STN1: variants seen among roughly 807,000 people sequenced by gnomAD.
The protein encoded by STN1 is CST complex subunit STN1.
A neutral mutation model predicts 45.5 loss-of-function variants in STN1; 29 were observed. The observed-to-expected ratio is 0.64, with a 90% confidence interval of 0.47 to 0.87. The LOEUF (loss-of-function observed/expected upper bound fraction) is 0.87. Ranked by LOEUF, STN1 falls within the 40% of genes least tolerant of loss-of-function variation. The pLI is 0.00. For missense variants in STN1, 376 were observed against 441.4 expected, an observed-to-expected ratio of 0.85 and a Z score of 1.33; for synonymous variants, 148 against 159.0, an observed-to-expected ratio of 0.93 and a Z score of 0.52.
chr10:103,906,268 C>T (rs1415128602), intron 3 of STN1, among the ~76,000 whole-genome samples: 3 of 152,120 alleles, frequency 2.0e-5, no homozygotes, highest in South Asian at 2.1e-4. Context: ...ATCTTAAAAT[C>T]AGAACTCATT....
intron 7 of STN1, among the ~76,000 whole-genome samples, chr10:103,892,926 G>C (rs1286568448): frequency 6.6e-6 from 1 of 152,140 alleles, no homozygotes; most frequent in African/African-American, 2.4e-5. Flanking sequence ...TCTTATCCCC[G>C]AGGAAGCTAG....
At chr10:103,914,042 CT>C (rs1312983410) in intron 2 of STN1, among the ~76,000 whole-genome samples, 3 of 152,122 alleles carry the variant, frequency 2.0e-5, no homozygotes, top group Non-Finnish European at 4.4e-5. Context: ...TTTAAAAGTA[CT>C]TTTGATTGCT....
chr10:103,897,592 A>C lies in STN1; in HGVS notation c.709T>G (p.Ser237Ala). ...TGAATCACAGGCTGATTGGCAAGGG[A>C]CAGCAAAGACTCCACCATTTCCAGC... ...QELEMVESLL[S>A]LANQPVIHSA... Residue 237 changes from serine to alanine, a missense_variant, in exon 7 of 10, where the codon TCC becomes GCC. Coordinates refer to ENST00000224950, the MANE Select transcript of STN1 (RefSeq NM_024928.5). 1 of 1,614,134 alleles carries C rather than the reference A, an allele frequency of 6.2e-7. No individual in the cohort carries two copies. Among genetic ancestry groups the C allele is most frequent in the Non-Finnish European group, 8.5e-7 (1 of 1,180,000 alleles).
chr10:103,907,627 T>C (rs1231833207), intron 3 of STN1, among the ~76,000 whole-genome samples: 1 of 152,228 alleles, frequency 6.6e-6, no homozygotes, highest in East Asian at 1.9e-4. Context: ...TTGTTTTGCC[T>C]GATTTATAGT....
intron 3 of STN1, among the ~76,000 whole-genome samples, chr10:103,909,478 GTA>G (rs776987062): frequency 2.1e-5 from 2 of 95,134 alleles, no homozygotes; most frequent in South Asian, 3.2e-4. Flanking sequence ...ATGTATATAT[GTA>G]TATATATGTG....
chr10:103,896,867 T>C (rs1024296322), intron 7 of STN1, among the ~76,000 whole-genome samples: 1 of 152,104 alleles, frequency 6.6e-6, no homozygotes, highest in Non-Finnish European at 1.5e-5. Flanking sequence ...TGCTTAATAT[T>C]TGAGTAGAAA....
At chr10:103,909,432 ATG>A (rs1843270014) in intron 3 of STN1, among the ~76,000 whole-genome samples, 6 of 59,210 alleles carry the variant, frequency 1.0e-4, no homozygotes, top group African/African-American at 3.2e-4. Flanking sequence ...ATGTATATAT[ATG>A]TATATATATG....
chr10:103,914,846 A>T (rs1843318849), intron 2 of STN1, among the ~76,000 whole-genome samples: 1 of 152,184 alleles, frequency 6.6e-6, no homozygotes, highest in Non-Finnish European at 1.5e-5. Context: ...GATAGGTTAA[A>T]TTTCACAGGT....
At chr10:103,899,900 G>A (rs191387186) in intron 5 of STN1, 162 bp downstream of exon 5, 83 of 562,522 alleles carry the variant, frequency 1.5e-4, no homozygotes, top group African/African-American at 1.3e-3. Flanking sequence ...AGTAAGAAAT[G>A]CTGATTTTCT....
At chr10:103,894,201 A>T (rs1048208800) in intron 7 of STN1, among the ~76,000 whole-genome samples, 1 of 152,206 alleles carries the variant, frequency 6.6e-6, no homozygotes, top group Non-Finnish European at 1.5e-5. Context: ...TCTTTAGTCA[A>T]TTTAACATAA....
At chr10:103,885,298 G>A (rs1034439983) in intron 9 of STN1, among the ~76,000 whole-genome samples, 1 of 152,124 alleles carries the variant, frequency 6.6e-6, no homozygotes, top group African/African-American at 2.4e-5. Flanking sequence ...GGAGGGTGAG[G>A]GGCTCCAACC....
At chr10:103,890,166 A>G (rs1295901776) in intron 8 of STN1, among the ~76,000 whole-genome samples, 1 of 152,226 alleles carries the variant, frequency 6.6e-6, no homozygotes, top group Non-Finnish European at 1.5e-5. Context: ...GAAAATAGGC[A>G]TGCAAACAAA....
chr10:103,917,421 C>T, intron 2 of STN1, 41 bp downstream of exon 2: 1 of 1,587,162 alleles, frequency 6.3e-7, no homozygotes, highest in Non-Finnish European at 8.6e-7. Flanking sequence ...GAAAGGGTGG[C>T]AGATGCAGCC....
chr10:103,909,444 G>A (rs11191855), intron 3 of STN1, among the ~76,000 whole-genome samples: 909 of 49,816 alleles, frequency 0.018, 125 homozygotes, highest in East Asian at 0.14. Flanking sequence ...GTATATATAT[G>A]TATATATGTA....
intron 2 of STN1, among the ~76,000 whole-genome samples, chr10:103,914,987 T>A (rs1185116042): frequency 6.6e-6 from 1 of 152,180 alleles, no homozygotes; most frequent in Non-Finnish European, 1.5e-5. Context: ...TCCCTCAGGT[T>A]TGATAATTTG....
At chr10:103,905,952 A>G (rs915628840) in intron 3 of STN1, among the ~76,000 whole-genome samples, 1 of 152,120 alleles carries the variant, frequency 6.6e-6, no homozygotes, top group Admixed American at 6.5e-5. Context: ...CTAATTTCCG[A>G]CAAACTCAGA....
Position 103,880,378 on chromosome 10 carries a change from A to T in STN1, c.*2306T>A, listed in dbSNP as rs1843060426. 6.6e-6 allele frequency among the ~76,000 whole-genome samples: 1 copy of T among 152,206 alleles called. No individual in the cohort carries two copies. Among genetic ancestry groups the T allele is most frequent in the South Asian group, 2.1e-4 (1 of 4,836 alleles). ...GAAAGGGTGGGCAAACAGGAACAGAAGTTCCCACTCTGCGTGGTGGGTTTC... is the reference window on the plus strand; with the variant it reads ...GAAAGGGTGGGCAAACAGGAACAGATGTTCCCACTCTGCGTGGTGGGTTTC... On this transcript the variant is annotated 3_prime_UTR_variant, in exon 10 of 10. Transcript: ENST00000224950.
In STN1 at chr10:103,882,669, T is replaced by C. The variant is rs1225966043; in HGVS notation, c.*15A>G. ...CCTTATCTTTGTCCTCCTCAGCTGG[T>C]CTGCGTGTCTCTGCTCAGAACGCTG... On this transcript the variant is annotated 3_prime_UTR_variant, in exon 10 of 10. Transcript: ENST00000224950. 3 of 1,593,774 alleles carry C rather than the reference T, an allele frequency of 1.9e-6. No homozygotes were observed. The South Asian group carries it at 3.4e-5, about 18-fold the overall frequency.
intron 4 of STN1, among the ~76,000 whole-genome samples, chr10:103,904,509 G>A (rs1843228909): frequency 6.6e-6 from 1 of 151,216 alleles, no homozygotes; most frequent in East Asian, 1.9e-4. Context: ...TCCAAATGTT[G>A]TTTCAGTTAT....
Sources: gnomAD v4.1 joint callset for allele counts (sites outside exome capture counted in the v4.1 genomes callset) on GRCh38, gnomAD v4.1.1 for gene constraint, MANE v1.5 for transcripts, NCBI Gene and HGNC (gene_info 2026-07-23, HGNC 2026-07-21) for gene names.